Variants in ZDHHC14 observed in about 807,000 individuals in gnomAD.
The protein encoded by ZDHHC14 is palmitoyltransferase ZDHHC14.
In ZDHHC14, 16 loss-of-function variants were observed where a neutral mutation model predicts 47.7. The ratio of observed to expected loss-of-function variants is 0.34; its 90% CI spans 0.23 to 0.51. The LOEUF (loss-of-function observed/expected upper bound fraction) is 0.51, where lower values mean the gene tolerates loss of function less well. ZDHHC14 is among the 20% of genes least tolerant of loss of function. The pLI, the probability that ZDHHC14 is intolerant of heterozygous loss-of-function variation, is 0.97. For synonymous variants in ZDHHC14, 293 were observed against 278.9 expected, an observed-to-expected ratio of 1.05 and a Z score of -0.50; for missense variants, 515 against 662.5, an observed-to-expected ratio of 0.78 and a Z score of 2.44.
At chr6:157,416,111 C>T (rs779821216) in intron 1 of ZDHHC14, among the ~76,000 whole-genome samples, 1 of 152,170 alleles carries the variant, frequency 6.6e-6, no homozygotes, top group Non-Finnish European at 1.5e-5. Context: ...CCATGTGGAT[C>T]ACTGGAAAAA....
chr6:157,390,206 C>A (rs546421911), intron 1 of ZDHHC14, among the ~76,000 whole-genome samples: 29 of 152,182 alleles, frequency 1.9e-4, no homozygotes, highest in African/African-American at 6.5e-4. Context: ...TCCTATCAGA[C>A]CTTTGATGAT....
chr6:157,552,317 C>T (rs970590964), intron 2 of ZDHHC14, among the ~76,000 whole-genome samples: 7 of 151,948 alleles, frequency 4.6e-5, no homozygotes, highest in African/African-American at 1.7e-4. Context: ...AGAGATGAAA[C>T]CCTTCATGCA....
At chr6:157,527,416 C>A (rs975988231) in intron 1 of ZDHHC14, among the ~76,000 whole-genome samples, 6 of 152,340 alleles carry the variant, frequency 3.9e-5, no homozygotes, top group African/African-American at 1.2e-4. Context: ...ATTCAAAAAT[C>A]TCTTCAAAAA....
At chr6:157,540,880 A>ATGTGTGTGTGTG (rs1227856788) in intron 1 of ZDHHC14, among the ~76,000 whole-genome samples, 3 of 131,846 alleles carry the variant, frequency 2.3e-5, no homozygotes, top group African/African-American at 3.4e-5. Context: ...ATAGATATAT[A>ATGTGTGTGTGTG]TGTATGTATG....
intron 3 of ZDHHC14, among the ~76,000 whole-genome samples, chr6:157,610,232 C>T (rs916385306): frequency 1.3e-5 from 2 of 152,082 alleles, no homozygotes; most frequent in Non-Finnish European, 2.9e-5. Flanking sequence ...ATCATGAGGT[C>T]GGGAGATCAA....
intron 1 of ZDHHC14, among the ~76,000 whole-genome samples, chr6:157,480,844 A>G (rs1472857837): frequency 6.8e-6 from 1 of 147,762 alleles, no homozygotes; most frequent in South Asian, 2.1e-4. Context: ...AGGAGATAAA[A>G]TAGATTTTCA....
chr6:157,401,146 A>G (rs1055112773), intron 1 of ZDHHC14, among the ~76,000 whole-genome samples: 3 of 152,208 alleles, frequency 2.0e-5, no homozygotes, highest in Non-Finnish European at 4.4e-5. Context: ...AAGCCTTGCC[A>G]CAAGAAGCAC....
intron 1 of ZDHHC14, among the ~76,000 whole-genome samples, chr6:157,416,659 C>T (rs1283989386): frequency 2.6e-5 from 3 of 116,780 alleles, no homozygotes; most frequent in Non-Finnish European, 5.0e-5. Flanking sequence ...CAGAGTGAGA[C>T]CCTGTCTCAT....
chr6:157,562,316 A>C (rs1379458315), intron 2 of ZDHHC14, among the ~76,000 whole-genome samples: 2 of 152,222 alleles, frequency 1.3e-5, no homozygotes, highest in African/African-American at 4.8e-5. Context: ...TTTAGCCGTG[A>C]GAACAGCTGG....
chr6:157,560,528 A>G (rs1782665745), intron 2 of ZDHHC14, among the ~76,000 whole-genome samples: 1 of 152,234 alleles, frequency 6.6e-6, no homozygotes, highest in Non-Finnish European at 1.5e-5. Context: ...ATCTTAATAT[A>G]TATAGGAATT....
intron 1 of ZDHHC14, among the ~76,000 whole-genome samples, chr6:157,419,369 T>C (rs1778051831): frequency 6.6e-6 from 1 of 152,248 alleles, no homozygotes; most frequent in Non-Finnish European, 1.5e-5. Flanking sequence ...TCAGAAAGGC[T>C]ATTTTGTATG....
intron 7 of ZDHHC14, among the ~76,000 whole-genome samples, chr6:157,648,124 G>A (rs1438071189): frequency 2.6e-5 from 4 of 152,218 alleles, no homozygotes; most frequent in African/African-American, 4.8e-5. Context: ...AAGTCAGAGT[G>A]TACAAGTTCA....
intron 1 of ZDHHC14, among the ~76,000 whole-genome samples, chr6:157,499,350 G>A (rs772715597): frequency 6.6e-6 from 1 of 152,118 alleles, no homozygotes; most frequent in Non-Finnish European, 1.5e-5. Flanking sequence ...TTTGCGGGTG[G>A]TGCCTTCTCC....
intron 1 of ZDHHC14, among the ~76,000 whole-genome samples, chr6:157,519,134 A>G (rs144041269): frequency 5.3e-5 from 8 of 152,038 alleles, no homozygotes; most frequent in Non-Finnish European, 8.8e-5. Context: ...GGAGTTGTTC[A>G]GGTTTTTCCT....
intron 1 of ZDHHC14, among the ~76,000 whole-genome samples, chr6:157,499,037 T>C (rs1053259835): frequency 3.9e-5 from 6 of 152,170 alleles, no homozygotes; most frequent in African/African-American, 7.2e-5. Flanking sequence ...ATGTATTCAG[T>C]TCTGAAACTT....
chr6:157,635,888 G>T (rs1446760441), intron 5 of ZDHHC14, among the ~76,000 whole-genome samples: 1 of 152,212 alleles, frequency 6.6e-6, no homozygotes, highest in Non-Finnish European at 1.5e-5. Context: ...TGGAGGTAAA[G>T]AGTTTTCCCT....
At chr6:157,621,069 C>A (rs1028225103) in intron 3 of ZDHHC14, among the ~76,000 whole-genome samples, 49 of 152,186 alleles carry the variant, frequency 3.2e-4, no homozygotes, top group African/African-American at 1.1e-3. Context: ...TTTCAGAACT[C>A]TCCTGAGTCA....
At chr6:157,501,993 T>C (rs1159619618) in intron 1 of ZDHHC14, among the ~76,000 whole-genome samples, 1 of 152,190 alleles carries the variant, frequency 6.6e-6, no homozygotes, top group Non-Finnish European at 1.5e-5. Flanking sequence ...TCAGTCTTCA[T>C]GCACTCCCCC....
At chr6:157,532,487 A>G (rs1781400130) in intron 1 of ZDHHC14, among the ~76,000 whole-genome samples, 1 of 152,202 alleles carries the variant, frequency 6.6e-6, no homozygotes, top group African/African-American at 2.4e-5. Context: ...CCAAGGAAAG[A>G]AAAAGGGAAT....
Sources: gnomAD v4.1 joint callset for allele counts (sites outside exome capture counted in the v4.1 genomes callset) on GRCh38, gnomAD v4.1.1 for gene constraint, MANE v1.5 for transcripts, NCBI Gene and HGNC (gene_info 2026-07-23, HGNC 2026-07-21) for gene names.